Variants in CPZ observed in about 807,000 individuals in gnomAD.
The protein encoded by CPZ is carboxypeptidase Z.
Under a neutral mutation model 61.8 loss-of-function variants are expected in CPZ, and 103 were observed. The ratio of observed to expected loss-of-function variants is 1.67; its 90% CI spans 1.42 to 1.96. The LOEUF is 1.96. CPZ is among the 30% of genes most tolerant of loss of function. The pLI, the probability that CPZ is intolerant of heterozygous loss-of-function variation, is 0.00. For missense variants in CPZ, 1,461 were observed against 914.9 expected (o/e 1.60, Z -7.70); for synonymous variants, 551 against 373.7 (o/e 1.47, Z -5.47).
At chr4:8,606,318 T>C (rs1250878454) in intron 5 of CPZ, 133 bp downstream of exon 5, 5 of 895,730 alleles carry the variant, frequency 5.6e-6, no homozygotes, top group South Asian at 1.7e-5. Context: ...CAGGTGTCGA[T>C]ACTGGCAAAC....
At position 8,614,581 on chromosome 4, in the gene CPZ, G is replaced by A. The variant is rs575393726; in HGVS notation, c.1503+83G>A. ...CATTCAGGCCCCCAGGGCAGCCCCC[G>A]TAGCCTCACTGCCCCATACACACAT... On this transcript the variant is annotated intron_variant, in intron 9 of 10. Transcript: ENST00000360986. 4.9e-5 allele frequency: 71 copies of A among 1,453,946 alleles called. 1 individual carries two copies. The highest frequency in any genetic ancestry group is 8.5e-5 in the African/African-American group (6 of 70,778). 90.1% of individuals were successfully genotyped at this position (1,453,946 alleles called of 1,614,324 possible).
chr4:8,605,377 C>A (rs564482150), intron 4 of CPZ, among the ~76,000 whole-genome samples: 4 of 114,818 alleles, frequency 3.5e-5, no homozygotes, highest in African/African-American at 1.5e-4. Flanking sequence ...ACACATCCAT[C>A]CATCATCCAC....
At chr4:8,611,152 C>T in intron 7 of CPZ, 1 of 439,950 alleles carries the variant, frequency 2.3e-6, no homozygotes, top group Non-Finnish European at 4.7e-6. Context: ...TCCACTCCTC[C>T]TTTCTGACAG....
At chr4:8,592,959 C>T in intron 1 of CPZ, 38 bp downstream of exon 1, 6 of 1,444,394 alleles carry the variant, frequency 4.2e-6, no homozygotes, top group Middle Eastern at 1.7e-4. Context: ...CACCCTCCAC[C>T]CTGCAACCTC....
intron 3 of CPZ, 119 bp downstream of exon 3, chr4:8,601,616 G>T: frequency 8.8e-7 from 1 of 1,142,278 alleles, no homozygotes; most frequent in South Asian, 1.9e-5. Flanking sequence ...GCAGGCATTG[G>T]TAGAGGGCGG....
Position 8,601,528 on chromosome 4 carries a change from C to A in CPZ, c.496+31C>A. ...GGAAAGTGGCGGGGGCCTGTGTGGT[C>A]ATGGGGTCCAGGTGGTCAAGGAGGA... is the stretch of plus-strand genomic sequence containing the variant. On this transcript the variant is annotated intron_variant, in intron 3 of 10. Coordinates refer to ENST00000360986, the MANE Select transcript of CPZ (RefSeq NM_001014447.3). 2.1e-6 allele frequency: 3 copies of A among 1,437,422 alleles called. No individual in the cohort carries two copies. In the South Asian group the frequency reaches 4.5e-5, roughly 21 times the overall value. 89.0% of individuals were successfully genotyped at this position (1,437,422 alleles called of 1,614,324 possible). A position where few individuals can be genotyped will look rare whatever the true frequency, so the allele number is the denominator to read the frequency against.
rs570276607 is a variant in CPZ at position 8,601,452 on chromosome 4, A to G, written c.451A>G (p.Thr151Ala). The G allele has an allele frequency of 8.5e-6, 13 of 1,528,740 alleles. No individual in the cohort carries two copies. In the Admixed American group the frequency reaches 1.1e-4, roughly 13 times the overall value. 94.7% of individuals were successfully genotyped at this position (1,528,740 alleles called of 1,614,324 possible). Residue 151 changes from threonine (T) to alanine (A), a missense_variant, in exon 3 of 11, where the codon ACG becomes GCG. Transcript: ENST00000360986. ...PYFLDCHRYF[T>A]REDEGCYDPL... ...CTTCCTTGACTGCCACCGCTACTTCACGAGAGAGGACGAGGGCTGCTATGA... is the reference window on the plus strand; with the variant it reads ...CTTCCTTGACTGCCACCGCTACTTCGCGAGAGAGGACGAGGGCTGCTATGA...
rs1714989522 is a variant in CPZ at position 8,606,218 on chromosome 4, A to G, written c.906+33A>G. 2.5e-6 allele frequency: 4 copies of G among 1,579,092 alleles called. No homozygotes were observed. The East Asian group carries it at 9.1e-5, about 36-fold the overall frequency. On this transcript the variant is annotated intron_variant, in intron 5 of 10. Coordinates refer to ENST00000360986, the MANE Select transcript of CPZ (RefSeq NM_001014447.3). ...CCCAGATGCCTGGATCCTGTGGGCC[A>G]CCGCCCGAACCACCCCCTCATTCAT...
At chr4:8,611,717 T>C (rs1483880679) in intron 7 of CPZ, among the ~76,000 whole-genome samples, 2 of 152,012 alleles carry the variant, frequency 1.3e-5, no homozygotes, top group Non-Finnish European at 2.9e-5. Flanking sequence ...ACCATGTCTG[T>C]GTGTAACCTC....
intron 6 of CPZ, 21 bp downstream of exon 6, chr4:8,606,919 T>C (rs770853816): frequency 1.3e-6 from 2 of 1,577,042 alleles, no homozygotes; most frequent in African/African-American, 2.7e-5. Flanking sequence ...CCGCTGCCCA[T>C]GCTGGTCTCC....
Position 8,612,149 on chromosome 4 carries a change from C to T in CPZ, c.1350C>T (p.Tyr450=), listed in dbSNP as rs201621921. 2 of 1,509,284 alleles carry T rather than the reference C, an allele frequency of 1.3e-6. No homozygotes were observed. Among genetic ancestry groups the T allele is most frequent in the African/African-American group, 1.5e-5 (1 of 68,478 alleles). 93.5% of individuals were successfully genotyped at this position (1,509,284 alleles called of 1,614,324 possible). The change falls in exon 8 of 11, where the codon TAC becomes TAT. Residue 450 remains tyrosine, a synonymous_variant. Transcript: ENST00000360986. ...RGSIINGADW[Y]SFTGGMSDFN... ...GCATCATCAACGGGGCGGACTGGTACAGCTTCACGGGAGGTGCGGCTTCCG... is the reference window on the plus strand; with the variant it reads ...GCATCATCAACGGGGCGGACTGGTATAGCTTCACGGGAGGTGCGGCTTCCG...
At chr4:8,605,579 CCATCCAGCCAGCCATTATT>C (rs1287892415) in intron 4 of CPZ, among the ~76,000 whole-genome samples, 2 of 144,514 alleles carry the variant, frequency 1.4e-5, no homozygotes, top group African/African-American at 5.2e-5. Flanking sequence ...ATCCATCCAG[CCATCCAGCCAGCCATTATT>C]CATCCATCCA....
chr4:8,619,623 GC>G lies in CPZ; in HGVS notation c.*10del. On this transcript the variant is annotated 3_prime_UTR_variant, in exon 11 of 11. Transcript: ENST00000360986. ...GCTGGCTGCTCAAGTACTAGCCCCG[GC>G]CCCAGCACCCGCCAGGATGTGGAGA... 1 of 1,479,852 alleles carries G rather than the reference GC, an allele frequency of 6.8e-7. No homozygotes were observed. The highest frequency in any genetic ancestry group is 9.0e-7 in the Non-Finnish European group (1 of 1,116,936). 91.7% of individuals were successfully genotyped at this position (1,479,852 alleles called of 1,614,324 possible).
chr4:8,607,532 A>C, intron 7 of CPZ, 107 bp downstream of exon 7: 1 of 1,333,506 alleles, frequency 7.5e-7, no homozygotes, highest in South Asian at 1.4e-5. Context: ...GCTCCTAGGA[A>C]CCTCTACTCA....
intron 6 of CPZ, 54 bp from the exon 7 acceptor site, chr4:8,607,213 T>G (rs1577116951): frequency 6.3e-7 from 1 of 1,585,248 alleles, no homozygotes; most frequent in Non-Finnish European, 8.6e-7. Context: ...AGGGCATGGC[T>G]GCGGGCCAGT....
At chr4:8,596,385 C>T (rs928452995) in intron 1 of CPZ, among the ~76,000 whole-genome samples, 1 of 152,206 alleles carries the variant, frequency 6.6e-6, no homozygotes, top group African/African-American at 2.4e-5. Flanking sequence ...GGGCGCTTTG[C>T]TAGGGCAGCC....
At position 8,606,137 on chromosome 4, in the gene CPZ, C is replaced by T. The variant is rs1350353813; in HGVS notation, c.858C>T (p.His286=). The T allele has an allele frequency of 2.5e-6, 4 of 1,614,088 alleles. No homozygotes were observed. Among genetic ancestry groups the T allele is most frequent in the Admixed American group, 3.3e-5 (2 of 60,016 alleles). The change falls in exon 5 of 11, where the codon CAC becomes CAT. Residue 286 remains histidine, a synonymous_variant. Coordinates refer to ENST00000360986, the MANE Select transcript of CPZ (RefSeq NM_001014447.3). ...IQRLLNTTRI[H]LLPSMNPDGY... is the part of the protein sequence containing the mutation. ...GCCTGCTCAACACCACCCGCATCCA[C>T]CTGCTGCCCTCCATGAACCCTGACG...
At chr4:8,617,355 A>G (rs1577130838) in intron 9 of CPZ, among the ~76,000 whole-genome samples, 1 of 152,126 alleles carries the variant, frequency 6.6e-6, no homozygotes, top group African/African-American at 2.4e-5. Context: ...CCAGAGAAAA[A>G]CCAGCCCCTC....
At position 8,619,626 on chromosome 4, in the gene CPZ, C is replaced by T. The variant is rs368313866; in HGVS notation, c.*9C>T. 520 of 1,476,662 alleles carry T rather than the reference C, an allele frequency of 3.5e-4. No individual in the cohort carries two copies. Among genetic ancestry groups the T allele is most frequent in the Non-Finnish European group, 4.2e-4 (472 of 1,115,520 alleles). The allele number at this position is 1,476,662 out of a possible 1,614,324, so 91.5% of individuals were successfully genotyped here. The stretch of plus-strand genomic sequence containing the variant: ...GGCTGCTCAAGTACTAGCCCCGGCC[C>T]CAGCACCCGCCAGGATGTGGAGACC... On this transcript the variant is annotated 3_prime_UTR_variant, in exon 11 of 11. Transcript: ENST00000360986.
Sources: gnomAD v4.1 joint callset for allele counts (sites outside exome capture counted in the v4.1 genomes callset) on GRCh38, gnomAD v4.1.1 for gene constraint, MANE v1.5 for transcripts, NCBI Gene and HGNC (gene_info 2026-07-23, HGNC 2026-07-21) for gene names.